GLG1: variants seen among roughly 807,000 people sequenced by gnomAD.
GLG1 encodes Golgi apparatus protein 1.
A neutral mutation model predicts 160.5 loss-of-function variants in GLG1; 38 were observed. The ratio of observed to expected loss-of-function variants is 0.24; its 90% confidence interval spans 0.18 to 0.31. The LOEUF is 0.31. GLG1 is among the 10% of genes least tolerant of loss of function. The probability of loss-of-function intolerance (pLI) is 1.00; values close to 1 mark genes in which losing one functional copy is unlikely to be tolerated. For synonymous variants in GLG1, 644 were observed against 543.4 expected, an observed-to-expected ratio of 1.19 and a Z score of -2.57; for missense variants, 1,373 against 1,505.2, an observed-to-expected ratio of 0.91 and a Z score of 1.45.
chr16:74,466,957 G>GCAATGACT (rs2015021463), intron 18 of GLG1, among the ~76,000 whole-genome samples: 2 of 152,204 alleles, frequency 1.3e-5, no homozygotes, highest in Admixed American at 1.3e-4. Context: ...ATGTGAAAGA[G>GCAATGACT]CAATGACTGA....
intron 1 of GLG1, among the ~76,000 whole-genome samples, chr16:74,596,833 T>A (rs776718643): frequency 6.6e-6 from 1 of 152,146 alleles, no homozygotes; most frequent in African/African-American, 2.4e-5. Flanking sequence ...TAGGATGTAA[T>A]AGGCTGGGTA....
chr16:74,537,669 G>A (rs930724477), intron 1 of GLG1, among the ~76,000 whole-genome samples: 3 of 144,750 alleles, frequency 2.1e-5, no homozygotes, highest in East Asian at 2.0e-4. Context: ...CATTGGTTGC[G>A]GTTCTTTCCA....
chr16:74,491,283 C>A, intron 7 of GLG1, 68 bp from the exon 8 acceptor site: 5 of 1,063,154 alleles, frequency 4.7e-6, no homozygotes, highest in Non-Finnish European at 5.9e-6. Flanking sequence ...AAATCACCAC[C>A]TATTAAAAGT....
intron 22 of GLG1, among the ~76,000 whole-genome samples, chr16:74,460,935 C>T (rs377231530): frequency 3.0e-4 from 46 of 152,228 alleles, no homozygotes; most frequent in African/African-American, 9.2e-4. Flanking sequence ...TGCACACGCG[C>T]GTACCCGCAC....
intron 1 of GLG1, among the ~76,000 whole-genome samples, chr16:74,605,299 A>T (rs1294592000): frequency 2.0e-5 from 3 of 151,426 alleles, no homozygotes; most frequent in African/African-American, 7.3e-5. Context: ...CACATGAAGG[A>T]TATATACACT....
intron 1 of GLG1, among the ~76,000 whole-genome samples, chr16:74,561,458 T>C (rs2018512162): frequency 6.6e-6 from 1 of 152,138 alleles, no homozygotes; most frequent in African/African-American, 2.4e-5. Flanking sequence ...GAATACAAGT[T>C]TCTGATAACT....
chr16:74,606,937 G>A lies in GLG1; in HGVS notation c.158C>T (p.Ala53Val). The stretch of plus-strand genomic sequence containing the variant: ...CTGACCCGCCGGGCCGCCGCCTCCG[G>A]CCTGCCCTACGAAGGACACAAAGTT... ...GANFVSFVGQ[A>V]GGGGPAGQQL... is the part of the protein sequence containing the mutation. Residue 53 changes from alanine to valine, a missense_variant, in exon 1 of 26, where the codon GCC (alanine) becomes GTC (valine). By Grantham distance (64) the Ala-to-Val change is moderately conservative. Around this residue, in one of 4 missense-constraint regions of GLG1, gnomAD observed 322 missense variants for 254.6 expected, o/e 1.26. Coordinates refer to ENST00000422840, the MANE Select transcript of GLG1 (RefSeq NM_001145667.2). The A allele has an allele frequency of 1.2e-6, 2 of 1,608,362 alleles. No individual in the cohort carries two copies. Among genetic ancestry groups the A allele is most frequent in the Non-Finnish European group, 1.7e-6 (2 of 1,178,750 alleles).
intron 3 of GLG1, among the ~76,000 whole-genome samples, chr16:74,506,581 CAAAAAAAAA>C (rs56175030): frequency 7.7e-5 from 3 of 39,054 alleles, no homozygotes; most frequent in Admixed American, 1.0e-3. Context: ...GACTCCGTCT[CAAAAAAAAA>C]AAAAAAAAAA....
At chr16:74,465,085 C>A (rs539173382) in intron 19 of GLG1, among the ~76,000 whole-genome samples, 1 of 152,244 alleles carries the variant, frequency 6.6e-6, no homozygotes, top group East Asian at 1.9e-4. Flanking sequence ...GTGATCCTCC[C>A]GCCTTGGCCT....
At chr16:74,512,369 T>C (rs867498732) in intron 2 of GLG1, among the ~76,000 whole-genome samples, 4 of 152,014 alleles carry the variant, frequency 2.6e-5, no homozygotes, top group South Asian at 4.2e-4. Context: ...GTTCAAGCAA[T>C]TCTCCTGCCT....
At chr16:74,531,743 G>C in intron 2 of GLG1, among the ~76,000 whole-genome samples, 1 of 152,212 alleles carries the variant, frequency 6.6e-6, no homozygotes, top group South Asian at 2.1e-4. Context: ...TTTGCACAGA[G>C]TTGATTTCAC....
chr16:74,468,418 T>C (rs1438590511), intron 17 of GLG1: 1 of 155,294 alleles, frequency 6.4e-6, no homozygotes, highest in Admixed American at 6.3e-5. Flanking sequence ...GTATTTTTAG[T>C]AGAGATGGGG....
At chr16:74,584,311 C>T (rs1207563680) in intron 1 of GLG1, among the ~76,000 whole-genome samples, 1 of 152,176 alleles carries the variant, frequency 6.6e-6, no homozygotes, top group Non-Finnish European at 1.5e-5. Flanking sequence ...TTCTTTGACT[C>T]TCCTTTATTC....
intron 18 of GLG1, among the ~76,000 whole-genome samples, 160 bp downstream of exon 18, chr16:74,467,596 G>C (rs1277560930): frequency 2.0e-5 from 3 of 152,166 alleles, no homozygotes; most frequent in Non-Finnish European, 2.9e-5. Context: ...GCCTGATGTA[G>C]TTTAAGAAGG....
Position 74,482,890 on chromosome 16 carries a change from T to C in GLG1, c.1673+133A>G, listed in dbSNP as rs1411392139. On this transcript the variant is annotated intron_variant, in intron 10 of 25. Coordinates refer to ENST00000422840, the MANE Select transcript of GLG1 (RefSeq NM_001145667.2). ...TGATAAAGAATAGTTTTTCAGGGGA[T>C]TGGAGTGTGTTAGCTGTCCCAGAAC... is the stretch of plus-strand genomic sequence containing the variant. The C allele has an allele frequency of 7.7e-6, 5 of 652,938 alleles. 1 individual carries two copies. The highest frequency in any genetic ancestry group is 5.0e-4 in the Middle Eastern group (2 of 3,980). 40.4% of individuals were successfully genotyped at this position (652,938 alleles called of 1,614,324 possible). A position where few individuals can be genotyped will look rare whatever the true frequency, so the allele number is the denominator to read the frequency against.
At chr16:74,502,224 T>C (rs1428287609) in intron 4 of GLG1, among the ~76,000 whole-genome samples, 1 of 152,204 alleles carries the variant, frequency 6.6e-6, no homozygotes, top group Non-Finnish European at 1.5e-5. Context: ...CCTCTCCCAC[T>C]GGCATCCATT....
chr16:74,453,125 C>T lies in GLG1; in HGVS notation c.*42G>A. 1 of 1,601,558 alleles carries T rather than the reference C, an allele frequency of 6.2e-7. No homozygotes were observed. Among genetic ancestry groups the T allele is most frequent in the Non-Finnish European group, 8.5e-7 (1 of 1,173,544 alleles). ...ATGCTATACAAGAGGGCTGTACAAA[C>T]TGGGCACTGGATAGGTAGTTCCTTT... On this transcript the variant is annotated 3_prime_UTR_variant, in exon 26 of 26. Coordinates refer to ENST00000422840, the MANE Select transcript of GLG1 (RefSeq NM_001145667.2).
chr16:74,452,674 T>C lies in GLG1; in HGVS notation c.*493A>G, dbSNP rs2014365596. On this transcript the variant is annotated 3_prime_UTR_variant, in exon 26 of 26. Coordinates refer to ENST00000422840, the MANE Select transcript of GLG1 (RefSeq NM_001145667.2). Reference sequence around the variant, plus strand: ...AGAGATGAACGAGACACCTCAGTCATGGCACACTGGGTGGTGTGCTTCCCC... The same window carrying C: ...AGAGATGAACGAGACACCTCAGTCACGGCACACTGGGTGGTGTGCTTCCCC... The C allele has an allele frequency of 3.0e-6, 3 of 995,258 alleles. No individual in the cohort carries two copies. Among genetic ancestry groups the C allele is most frequent in the Non-Finnish European group, 3.6e-6 (3 of 835,454 alleles). The allele number at this position is 995,258 out of a possible 1,614,324, so 61.7% of individuals were successfully genotyped here. A position where few individuals can be genotyped will look rare whatever the true frequency, so the allele number is the denominator to read the frequency against.
intron 1 of GLG1, among the ~76,000 whole-genome samples, chr16:74,603,190 T>C (rs1001485937): frequency 2.0e-5 from 3 of 152,042 alleles, no homozygotes; most frequent in Admixed American, 6.6e-5. Flanking sequence ...GGTGGGCAGA[T>C]CATGAGGTCA....
Sources: gnomAD v4.1 joint callset for allele counts (sites outside exome capture counted in the v4.1 genomes callset) on GRCh38, gnomAD v4.1.1 for gene constraint, gnomAD v4.1.1 regional missense constraint, MANE v1.5 for transcripts, NCBI Gene and HGNC (gene_info 2026-07-23, HGNC 2026-07-21) for gene names.